Variants in CD99L2 observed in about 807,000 individuals in gnomAD.
CD99L2 encodes the protein CD99 molecule like 2.
A neutral mutation model predicts 27.3 loss-of-function variants in CD99L2; 24 were observed. That is an observed-to-expected ratio of 0.88 (90% CI 0.64 to 1.24). The LOEUF (loss-of-function observed/expected upper bound fraction) is 1.24. Ranked by LOEUF, CD99L2 falls within the 50% of genes most tolerant of loss-of-function variation. The pLI is 0.00. For synonymous variants in CD99L2, 97 were observed against 87.9 expected (o/e 1.10, Z -0.58); for missense variants, 255 against 221.6 (o/e 1.15, Z -0.96).
chrX:150,769,924 C>T (rs2043406897), intron 10 of CD99L2, among the ~76,000 whole-genome samples: 1 of 113,173 alleles, frequency 8.8e-6, no homozygotes, highest in Admixed American at 9.2e-5. Context: ...TTCCCTCTTG[C>T]CTGTGGCAAT....
chrX:150,863,116 T>C (rs1177767199), intron 1 of CD99L2, among the ~76,000 whole-genome samples: 2 of 112,246 alleles, frequency 1.8e-5, no homozygotes, highest in Non-Finnish European at 3.8e-5. Context: ...ATTCACACCT[T>C]AGTATGTTAT....
chrX:150,808,567 T>C lies in CD99L2; in HGVS notation c.277+6295A>G, dbSNP rs782542545. ...TGGCAAAATTCCCACCCCCAAGGTA[T>C]ACACCCTGCATAATCCTCACTCATG... is the stretch of plus-strand genomic sequence containing the variant. On this transcript the variant is annotated intron_variant, in intron 4 of 10. Transcript: ENST00000370377. Among the ~76,000 whole-genome samples, 27 of 112,178 alleles carry C rather than the reference T, an allele frequency of 2.4e-4. 1 individual carries two copies. Among genetic ancestry groups the C allele is most frequent in the African/African-American group, 8.4e-4 (26 of 30,857 alleles).
chrX:150,817,212 AATAAAT>A (rs2046174555), intron 2 of CD99L2, among the ~76,000 whole-genome samples: 1 of 105,952 alleles, frequency 9.4e-6, no homozygotes, highest in Non-Finnish European at 1.9e-5. Flanking sequence ...ATAAAATAAA[AATAAAT>A]AAATAAATAA....
intron 9 of CD99L2, among the ~76,000 whole-genome samples, chrX:150,770,709 T>C (rs1414964614): frequency 8.9e-6 from 1 of 112,817 alleles, no homozygotes; most frequent in Non-Finnish European, 1.9e-5. Flanking sequence ...CTCAGCACCA[T>C]CCACAGGTCC....
chrX:150,776,131 C>G, intron 9 of CD99L2, 43 bp downstream of exon 9: 1 of 1,200,920 alleles, frequency 8.3e-7, no homozygotes, highest in Non-Finnish European at 1.1e-6. Flanking sequence ...CTCCAAAGAC[C>G]TTGCCAGCTG....
chrX:150,797,489 C>G (rs1436404118), intron 4 of CD99L2, among the ~76,000 whole-genome samples: 3 of 112,210 alleles, frequency 2.7e-5, no homozygotes, highest in African/African-American at 9.7e-5. Context: ...GTTAAAATGG[C>G]AATGCATACT....
intron 1 of CD99L2, among the ~76,000 whole-genome samples, chrX:150,852,225 T>C (rs901591847): frequency 2.7e-5 from 3 of 111,473 alleles, no homozygotes; most frequent in African/African-American, 9.8e-5. Context: ...TTTTTAGAAG[T>C]TCGCTCTGTT....
chrX:150,838,678 TAAA>T (rs5904288), intron 1 of CD99L2, among the ~76,000 whole-genome samples: 53 of 86,172 alleles, frequency 6.2e-4, no homozygotes, highest in Admixed American at 4.0e-4. Context: ...CACCAGAGGT[TAAA>T]AAAAAAAAAA....
intron 1 of CD99L2, among the ~76,000 whole-genome samples, chrX:150,842,815 CACAG>C (rs1467442347): frequency 1.6e-4 from 18 of 112,402 alleles, no homozygotes; most frequent in Middle Eastern, 4.6e-3. Flanking sequence ...TGTTTGACAG[CACAG>C]ACAGAGAACA....
chrX:150,774,332 C>A (rs182600579), intron 9 of CD99L2, among the ~76,000 whole-genome samples: 196 of 111,502 alleles, frequency 1.8e-3, no homozygotes, highest in Non-Finnish European at 2.2e-3. Flanking sequence ...TCCTGGCAAG[C>A]GGGATGCTCT....
intron 1 of CD99L2, among the ~76,000 whole-genome samples, chrX:150,896,026 CAAAA>C (rs372737729): frequency 7.8e-5 from 3 of 38,526 alleles, no homozygotes; most frequent in Non-Finnish European, 5.1e-5. Context: ...ACTCTGTTTC[CAAAA>C]AAAAAAAAAA....
At chrX:150,885,054 T>C (rs1557422584) in intron 1 of CD99L2, among the ~76,000 whole-genome samples, 2 of 111,074 alleles carry the variant, frequency 1.8e-5, no homozygotes, top group African/African-American at 6.6e-5. Context: ...AGAAGACAGG[T>C]AAAACAAAAC....
intron 6 of CD99L2, 43 bp from the exon 7 acceptor site, chrX:150,793,799 A>G (rs1557419802): frequency 1.3e-5 from 14 of 1,063,722 alleles, no homozygotes; most frequent in Non-Finnish European, 1.8e-5. Context: ...AGAAAAAAAA[A>G]TCAGCAACAA....
intron 7 of CD99L2, among the ~76,000 whole-genome samples, chrX:150,789,504 T>C (rs1557419658): frequency 1.8e-5 from 2 of 112,374 alleles, no homozygotes; most frequent in Admixed American, 9.4e-5. Flanking sequence ...CTGTGGCTTG[T>C]CTTTTTCTTT....
intron 1 of CD99L2, among the ~76,000 whole-genome samples, chrX:150,875,546 C>A (rs1557422297): frequency 9.0e-6 from 1 of 111,631 alleles, no homozygotes; most frequent in Non-Finnish European, 1.9e-5. Context: ...TGTCCCTAAC[C>A]CCTGAAAACC....
At chrX:150,836,074 G>A (rs2046522269) in intron 1 of CD99L2, among the ~76,000 whole-genome samples, 1 of 111,822 alleles carries the variant, frequency 8.9e-6, no homozygotes, top group African/African-American at 3.3e-5. Context: ...GGACCCATCT[G>A]CCCAACCTAG....
chrX:150,817,421 T>C (rs1472722677), intron 2 of CD99L2, among the ~76,000 whole-genome samples: 2 of 110,683 alleles, frequency 1.8e-5, no homozygotes, highest in East Asian at 5.6e-4. Flanking sequence ...AAAAAATAAG[T>C]GTGGTTACTA....
chrX:150,886,421 T>G (rs1185222029), intron 1 of CD99L2, among the ~76,000 whole-genome samples: 1 of 112,512 alleles, frequency 8.9e-6, no homozygotes, highest in East Asian at 2.8e-4. Context: ...GCATGAATGC[T>G]TGCCTTTGTA....
chrX:150,811,225 A>G (rs1427694194), intron 4 of CD99L2, among the ~76,000 whole-genome samples: 1 of 111,779 alleles, frequency 8.9e-6, no homozygotes, highest in African/African-American at 3.2e-5. Context: ...CAATAAGACA[A>G]TAAGACACAA....
Sources: gnomAD v4.1 joint callset for allele counts (sites outside exome capture counted in the v4.1 genomes callset) on GRCh38, gnomAD v4.1.1 for gene constraint, MANE v1.5 for transcripts, NCBI Gene and HGNC (gene_info 2026-07-23, HGNC 2026-07-21) for gene names.